The following FSTL5 variants were observed in gnomAD, a reference collection of about 807,000 sequenced individuals.
The protein encoded by FSTL5 is follistatin-related protein 5.
A neutral mutation model predicts 89.1 loss-of-function variants in FSTL5; 62 were observed. That is an observed-to-expected ratio of 0.70 (90% CI 0.57 to 0.86). FSTL5 has a LOEUF of 0.86. Ranked by LOEUF, FSTL5 falls within the 40% of genes least tolerant of loss-of-function variation. The pLI is 0.00. For synonymous variants in FSTL5, 383 were observed against 346.2 expected (o/e 1.11, Z -1.18); for missense variants, 1,057 against 1,001.6 (o/e 1.06, Z -0.75).
At chr4:161,958,959 A>G (rs1265641207) in intron 3 of FSTL5, among the ~76,000 whole-genome samples, 2 of 151,994 alleles carry the variant, frequency 1.3e-5, no homozygotes, top group Admixed American at 1.3e-4. Flanking sequence ...CAATTCAGGG[A>G]GACTGTTGTG....
chr4:161,685,816 G>T (rs1737690638), intron 6 of FSTL5, among the ~76,000 whole-genome samples: 1 of 152,088 alleles, frequency 6.6e-6, no homozygotes, highest in African/African-American at 2.4e-5. Context: ...AGTGGTGAGA[G>T]TGGGCATCCT....
Position 161,544,394 on chromosome 4 carries a change from A to G in FSTL5, c.1016-1701T>C, listed in dbSNP as rs1731937681. ...AGGTATCTGACACAAACGTTTACAT[A>G]TTATATTAATCCATTTATAAAACGT... On this transcript the variant is annotated intron_variant, in intron 8 of 15. Coordinates refer to ENST00000306100, the MANE Select transcript of FSTL5 (RefSeq NM_020116.5). Among the ~76,000 whole-genome samples, 11 of 152,002 alleles carry G rather than the reference A, an allele frequency of 7.2e-5. No homozygotes were observed. The Admixed American group carries it at 7.2e-4, about 10-fold the overall frequency.
intron 2 of FSTL5, among the ~76,000 whole-genome samples, chr4:162,045,543 A>T: frequency 6.6e-6 from 1 of 152,188 alleles, no homozygotes; most frequent in East Asian, 1.9e-4. Context: ...ATCACTTATC[A>T]CAGATCACTA....
At chr4:161,523,509 A>G (rs996617557) in intron 10 of FSTL5, among the ~76,000 whole-genome samples, 12 of 152,358 alleles carry the variant, frequency 7.9e-5, no homozygotes, top group Middle Eastern at 3.4e-3. Flanking sequence ...ATATAATTAT[A>G]TACTATGAAA....
At position 161,427,903 on chromosome 4, in the gene FSTL5, C is replaced by G. The variant is rs1732219299; in HGVS notation, c.1841+27101G>C. Among the ~76,000 whole-genome samples the G allele has an allele frequency of 2.0e-5, 3 of 152,052 alleles. No homozygotes were observed. In the South Asian group the frequency reaches 6.2e-4, roughly 32 times the overall value. On this transcript the variant is annotated intron_variant, in intron 15 of 15. Transcript: ENST00000306100. The stretch of plus-strand genomic sequence containing the variant: ...AACAACTATCAATACAAAATACCAC[C>G]CTTTTAAAAGTCAAAAATCAGATGA...
chr4:161,867,211 T>G (rs1310134364), intron 4 of FSTL5, among the ~76,000 whole-genome samples: 1 of 152,060 alleles, frequency 6.6e-6, no homozygotes, highest in Non-Finnish European at 1.5e-5. Context: ...CATAATATTA[T>G]TATATTTGCA....
At position 161,960,276 on chromosome 4, in the gene FSTL5, C is replaced by T. The variant is rs193262312; in HGVS notation, c.161-39624G>A. Among the ~76,000 whole-genome samples the T allele has an allele frequency of 7.8e-4, 117 of 150,642 alleles. 1 individual carries two copies. In the South Asian group the frequency reaches 0.017, roughly 22 times the overall value. On this transcript the variant is annotated intron_variant, in intron 3 of 15. Coordinates refer to ENST00000306100, the MANE Select transcript of FSTL5 (RefSeq NM_020116.5). ...CCACCTCCCAGGTTCAAGAGATTCT[C>T]CTGCCTCAGTCTTCCAAGTAGCTAG... is the stretch of plus-strand genomic sequence containing the variant.
intron 4 of FSTL5, among the ~76,000 whole-genome samples, chr4:161,872,144 T>TTG (rs1732289669): frequency 1.5e-5 from 2 of 130,720 alleles, no homozygotes; most frequent in Non-Finnish European, 3.3e-5. Flanking sequence ...TTTTTTGGTT[T>TTG]TTTTTTTTTT....
At chr4:161,589,004 T>TTG (rs1484252784) in intron 7 of FSTL5, among the ~76,000 whole-genome samples, 31 of 151,298 alleles carry the variant, frequency 2.0e-4, no homozygotes, top group African/African-American at 6.8e-4. Context: ...AATGTTTTTT[T>TTG]TTTTTTTTTT....
chr4:162,154,461 A>C (rs1733388388), intron 1 of FSTL5, among the ~76,000 whole-genome samples: 1 of 152,170 alleles, frequency 6.6e-6, no homozygotes, highest in Non-Finnish European at 1.5e-5. Flanking sequence ...GCAAGTGTAA[A>C]ATATCATGTT....
intron 7 of FSTL5, among the ~76,000 whole-genome samples, chr4:161,623,959 T>C (rs1309591898): frequency 6.6e-6 from 1 of 152,042 alleles, no homozygotes. Flanking sequence ...TTCTTAGCAG[T>C]TAAATTTGCA....
In FSTL5 at chr4:161,386,425, AT is replaced by A; in HGVS notation, c.1865del (p.Asp622ValfsTer21). ...GATCAATTTTTTGTAGTGCAGCTTCATCTTTATGAAGAATAAATCCAAACCT... is the reference window on the plus strand; with the variant it reads ...GATCAATTTTTTGTAGTGCAGCTTCACTTTATGAAGAATAAATCCAAACCT... ...HMRFGFILHKDEAALQKIDLE... is the reference protein window; with the variant it reads ...HMRFGFILHKXEAALQKIDLE... On this transcript the variant is annotated frameshift_variant, in exon 16 of 16. Coordinates refer to ENST00000306100, the MANE Select transcript of FSTL5 (RefSeq NM_020116.5). LOFTEE classifies it low-confidence loss of function (END_TRUNC). 1 of 1,610,912 alleles carries A rather than the reference AT, an allele frequency of 6.2e-7. No individual in the cohort carries two copies.
At chr4:161,512,083 G>T (rs1282436430) in intron 10 of FSTL5, among the ~76,000 whole-genome samples, 1 of 152,012 alleles carries the variant, frequency 6.6e-6, no homozygotes, top group Non-Finnish European at 1.5e-5. Context: ...TAAAGCTGGA[G>T]AATTTATTCA....
At chr4:161,884,152 T>C (rs1034596541) in intron 4 of FSTL5, among the ~76,000 whole-genome samples, 5 of 151,966 alleles carry the variant, frequency 3.3e-5, no homozygotes, top group Admixed American at 2.6e-4. Context: ...TGGGTTCAAG[T>C]GATTCTCCTG....
chr4:161,830,172 T>C (rs1730799171), intron 4 of FSTL5, among the ~76,000 whole-genome samples: 1 of 152,066 alleles, frequency 6.6e-6, no homozygotes, highest in Admixed American at 6.6e-5. Flanking sequence ...TCACTTATGG[T>C]ATACAAAACA....
chr4:162,026,842 C>G (rs1737314478), intron 3 of FSTL5, among the ~76,000 whole-genome samples: 1 of 152,062 alleles, frequency 6.6e-6, no homozygotes, highest in Non-Finnish European at 1.5e-5. Context: ...TCAATTTATT[C>G]TGTGTTGTTT....
chr4:161,735,414 T>C (rs1248370887), intron 6 of FSTL5, among the ~76,000 whole-genome samples: 1 of 152,098 alleles, frequency 6.6e-6, no homozygotes, highest in African/African-American at 2.4e-5. Flanking sequence ...GTGATCAACT[T>C]GAGATTTAGC....
chr4:161,738,422 TAAG>T (rs1319148498), intron 6 of FSTL5, among the ~76,000 whole-genome samples: 2 of 151,860 alleles, frequency 1.3e-5, no homozygotes, highest in Non-Finnish European at 2.9e-5. Context: ...AATGACAAAA[TAAG>T]AAGGTCAAGA....
At chr4:161,837,700 A>C (rs574985091) in intron 4 of FSTL5, among the ~76,000 whole-genome samples, 1 of 152,252 alleles carries the variant, frequency 6.6e-6, no homozygotes, top group African/African-American at 2.4e-5. Context: ...AGAAACCCTA[A>C]TATTTGATAT....
Sources: allele counts gnomAD v4.1 joint callset (sites outside exome capture counted in the v4.1 genomes callset), GRCh38; gene constraint gnomAD v4.1.1; transcripts MANE v1.5; gene names NCBI Gene and HGNC (gene_info 2026-07-23, HGNC 2026-07-21).